HDAC9: variants seen among roughly 807,000 people sequenced by gnomAD.
The protein encoded by HDAC9 is histone deacetylase 9, also known as MEF-2 interacting transcription repressor (MITR) protein.
A neutral mutation model predicts 139.4 loss-of-function variants in HDAC9; 41 were observed. That is an observed-to-expected ratio of 0.29 (90% CI 0.23 to 0.38). The LOEUF (loss-of-function observed/expected upper bound fraction) is 0.38. HDAC9 is among the 10% of genes least tolerant of loss of function. The pLI, the probability that HDAC9 is intolerant of heterozygous loss-of-function variation, is 1.00. For synonymous variants in HDAC9, 517 were observed against 476.2 expected, an observed-to-expected ratio of 1.09 and a Z score of -1.12; for missense variants, 1,147 against 1,297.0, an observed-to-expected ratio of 0.88 and a Z score of 1.78.
intron 13 of HDAC9, among the ~76,000 whole-genome samples, chr7:18,741,352 G>A (rs1787433481): frequency 6.6e-6 from 1 of 152,112 alleles, no homozygotes; most frequent in Non-Finnish European, 1.5e-5. Context: ...TCAAAATACT[G>A]TGCCCTTCAG....
chr7:18,804,075 T>G (rs1793513139), intron 17 of HDAC9, among the ~76,000 whole-genome samples: 1 of 152,010 alleles, frequency 6.6e-6, no homozygotes, highest in Admixed American at 6.5e-5. Flanking sequence ...TGGATAAAAG[T>G]AAAGGATGAA....
intron 22 of HDAC9, among the ~76,000 whole-genome samples, chr7:18,932,120 A>C (rs906324764): frequency 6.6e-6 from 1 of 152,198 alleles, no homozygotes; most frequent in Non-Finnish European, 1.5e-5. Context: ...TTTTTCTGTA[A>C]ATACAAAACT....
At chr7:18,734,493 C>G (rs900100781) in intron 13 of HDAC9, among the ~76,000 whole-genome samples, 3 of 152,092 alleles carry the variant, frequency 2.0e-5, no homozygotes, top group African/African-American at 4.8e-5. Context: ...GGTTTTCTGT[C>G]CTTGTGATAG....
At chr7:18,720,627 T>TAA (rs538887681) in intron 12 of HDAC9, among the ~76,000 whole-genome samples, 2 of 143,728 alleles carry the variant, frequency 1.4e-5, no homozygotes, top group African/African-American at 5.0e-5. Flanking sequence ...TTTACCTTAG[T>TAA]AAAAAAAAAA....
At chr7:18,343,589 C>T (rs1333421209) in intron 1 of HDAC9, among the ~76,000 whole-genome samples, 1 of 151,712 alleles carries the variant, frequency 6.6e-6, no homozygotes, top group East Asian at 1.9e-4. Context: ...GAAATTTAAG[C>T]ATATTTTTAT....
intron 2 of HDAC9, among the ~76,000 whole-genome samples, chr7:18,553,120 G>T (rs2128670428): frequency 6.6e-6 from 1 of 152,188 alleles, no homozygotes; most frequent in East Asian, 1.9e-4. Context: ...TATTTGTGCT[G>T]TGCGTAAACC....
chr7:18,204,580 T>C (rs528970625), intron 2 of HDAC9, among the ~76,000 whole-genome samples: 120 of 152,042 alleles, frequency 7.9e-4, no homozygotes, highest in Non-Finnish European at 1.5e-3. Flanking sequence ...AATAATTTTT[T>C]GTATTTATTC....
chr7:18,217,948 A>G (rs116955234), intron 2 of HDAC9, among the ~76,000 whole-genome samples: 88 of 152,262 alleles, frequency 5.8e-4, no homozygotes, highest in African/African-American at 2.0e-3. Context: ...AGCTGCTGTT[A>G]TCTGAAGGCT....
chr7:18,907,326 C>A (rs1216803918), intron 22 of HDAC9, among the ~76,000 whole-genome samples: 1 of 152,148 alleles, frequency 6.6e-6, no homozygotes, highest in Non-Finnish European at 1.5e-5. Context: ...ATGCCCAGAA[C>A]AACTGTTAAA....
At position 18,709,101 on chromosome 7, in the gene HDAC9, A is replaced by G. The variant is rs936476796; in HGVS notation, c.1732-18479A>G. On this transcript the variant is annotated intron_variant, in intron 12 of 25. Coordinates refer to ENST00000686413, the MANE Select transcript of HDAC9 (RefSeq NM_178425.4). ...TTTTTTTTCTTTTTTTCTTTATTTTATTGCAGAATGTGCAGGTTTGTTACA... is the reference window on the plus strand; with the variant it reads ...TTTTTTTTCTTTTTTTCTTTATTTTGTTGCAGAATGTGCAGGTTTGTTACA... Among the ~76,000 whole-genome samples the G allele has an allele frequency of 9.4e-5, 14 of 149,210 alleles. No individual in the cohort carries two copies. The East Asian group carries it at 1.2e-3, about 13-fold the overall frequency.
At chr7:18,789,286 G>GCGCGCGCACACACA (rs146066951) in intron 16 of HDAC9, among the ~76,000 whole-genome samples, 5 of 148,506 alleles carry the variant, frequency 3.4e-5, no homozygotes, top group African/African-American at 1.3e-4. Flanking sequence ...ACACATACAC[G>GCGCGCGCACACACA]CACACACACA....
chr7:18,179,916 C>T (rs1184599556), intron 2 of HDAC9, among the ~76,000 whole-genome samples: 3 of 152,054 alleles, frequency 2.0e-5, no homozygotes, highest in Admixed American at 1.3e-4. Context: ...TTCTCTCAAC[C>T]GTGACCTGTA....
chr7:18,666,200 C>A lies in HDAC9; in HGVS notation c.1468-13C>A. 6.3e-7 allele frequency: 1 copy of A among 1,595,702 alleles called. No individual in the cohort carries two copies. The highest frequency in any genetic ancestry group is 8.6e-7 in the Non-Finnish European group (1 of 1,168,654). On this transcript the variant is annotated splice_polypyrimidine_tract_variant and intron_variant, in intron 11 of 25. Transcript: ENST00000686413. ...AACTACTGAATTTTGAACCCCTGAACACTCTCTTCTAGCTGCTTTCGAAAT... is the reference window on the plus strand; with the variant it reads ...AACTACTGAATTTTGAACCCCTGAAAACTCTCTTCTAGCTGCTTTCGAAAT...
intron 2 of HDAC9, among the ~76,000 whole-genome samples, chr7:18,284,000 G>C (rs944838435): frequency 2.0e-5 from 3 of 152,120 alleles, no homozygotes; most frequent in Non-Finnish European, 2.9e-5. Context: ...ATGTGTTTAA[G>C]GTTAAACCCT....
chr7:18,693,722 C>G (rs552370277), intron 12 of HDAC9, among the ~76,000 whole-genome samples: 1 of 152,178 alleles, frequency 6.6e-6, no homozygotes, highest in South Asian at 2.1e-4. Flanking sequence ...CGGAAGTGAC[C>G]CAGCCTCTGA....
At chr7:18,092,583 C>T (rs1026460311) in intron 1 of HDAC9, among the ~76,000 whole-genome samples, 2 of 152,018 alleles carry the variant, frequency 1.3e-5, no homozygotes, top group Admixed American at 1.3e-4. Context: ...AGAGAGGATT[C>T]TCCACATATA....
chr7:18,667,588 T>C, intron 12 of HDAC9: 1 of 985,330 alleles, frequency 1.0e-6, no homozygotes, highest in South Asian at 4.7e-5. Flanking sequence ...TCAAGTCAGT[T>C]CTTTGTCAGG....
chr7:18,868,972 C>T (rs1163288795), intron 21 of HDAC9, among the ~76,000 whole-genome samples: 1 of 152,104 alleles, frequency 6.6e-6, no homozygotes, highest in East Asian at 1.9e-4. Flanking sequence ...CGCCTTCCCC[C>T]ATACCTTGTC....
At chr7:18,392,321 ACACACACAC>A (rs1316058487) in intron 1 of HDAC9, among the ~76,000 whole-genome samples, 1 of 138,820 alleles carries the variant, frequency 7.2e-6, no homozygotes, top group African/African-American at 3.2e-5. Flanking sequence ...TCTCTCACAC[ACACACACAC>A]ACACACACAC....
Sources: allele counts gnomAD v4.1 joint callset (sites outside exome capture counted in the v4.1 genomes callset), GRCh38; gene constraint gnomAD v4.1.1; transcripts MANE v1.5; gene names NCBI Gene and HGNC (gene_info 2026-07-23, HGNC 2026-07-21).